The following VPS54 variants were observed in gnomAD, a reference collection of about 807,000 sequenced individuals.
VPS54 encodes the protein vacuolar protein sorting-associated protein 54.
Under a neutral mutation model 121.5 loss-of-function variants are expected in VPS54, and 45 were observed. The observed-to-expected ratio is 0.37, with a 90% CI of 0.29 to 0.47. The LOEUF (loss-of-function observed/expected upper bound fraction) is 0.47. Among genes scored for constraint, VPS54 ranks in the 20% least tolerant of loss-of-function variants. VPS54 has a pLI of 0.99. For missense variants in VPS54, 1,090 were observed against 1,131.4 expected, an observed-to-expected ratio of 0.96 and a Z score of 0.52; for synonymous variants, 371 against 385.8, an observed-to-expected ratio of 0.96 and a Z score of 0.45.
chr2:63,944,760 A>G lies in VPS54; in HGVS notation c.1246-105T>C, dbSNP rs1674900449. 4.4e-6 allele frequency: 4 copies of G among 900,476 alleles called. No homozygotes were observed. The East Asian group carries it at 1.1e-4, about 24-fold the overall frequency. The allele number at this position is 900,476 out of a possible 1,614,324, so 55.8% of individuals were successfully genotyped here. A position where few individuals can be genotyped will look rare whatever the true frequency, so the allele number is the denominator to read the frequency against. On this transcript the variant is annotated intron_variant, in intron 9 of 22. Transcript: ENST00000272322. ...TTAAAAAGGCCCTTACTATATGAAC[A>G]GACACTTTTCAAAAAAGGACATACA...
At chr2:63,967,733 A>AAAAAAAAAAAAAAAAAAAC (rs1676072648) in intron 5 of VPS54, among the ~76,000 whole-genome samples, 1 of 150,048 alleles carries the variant, frequency 6.7e-6, no homozygotes, top group Non-Finnish European at 1.5e-5. Flanking sequence ...AAAAAAAAAA[A>AAAAAAAAAAAAAAAAAAAC]AATCTTATAA....
In VPS54 at chr2:63,909,068, C is replaced by T. The variant is rs577141756; in HGVS notation, c.2625+3277G>A. Among the ~76,000 whole-genome samples the T allele has an allele frequency of 5.3e-5, 8 of 152,286 alleles. No homozygotes were observed. In the South Asian group the frequency reaches 1.7e-3, roughly 32 times the overall value. On this transcript the variant is annotated intron_variant, in intron 20 of 22. Transcript: ENST00000272322. The stretch of plus-strand genomic sequence containing the variant: ...GCAAAATTTACATGCATGCCTCATT[C>T]ATAAAACTTTCCCAGATCTCCTTCA...
intron 2 of VPS54, among the ~76,000 whole-genome samples, chr2:63,982,277 G>T (rs1181802793): frequency 6.6e-6 from 1 of 151,426 alleles, no homozygotes; most frequent in African/African-American, 2.4e-5. Context: ...TTAGAGGTAG[G>T]CCTCTTTTCT....
At chr2:63,913,071 A>G (rs1352911635) in intron 18 of VPS54, 152 bp downstream of exon 18, 2 of 599,470 alleles carry the variant, frequency 3.3e-6, no homozygotes, top group Non-Finnish European at 5.5e-6. Flanking sequence ...TTTTTCAGTG[A>G]TGAGTATACA....
At chr2:63,903,508 T>C (rs1363606608) in intron 20 of VPS54, among the ~76,000 whole-genome samples, 2 of 152,152 alleles carry the variant, frequency 1.3e-5, no homozygotes, top group Non-Finnish European at 2.9e-5. Context: ...ATAAAAGGCA[T>C]TGTTTTCCTC....
chr2:63,944,372 C>G (rs1674879784), intron 10 of VPS54, among the ~76,000 whole-genome samples: 1 of 152,156 alleles, frequency 6.6e-6, no homozygotes, highest in African/African-American at 2.4e-5. Context: ...AGGGTTGCCT[C>G]AGGGTGACTG....
At chr2:63,973,223 T>C (rs1259317389) in intron 3 of VPS54, among the ~76,000 whole-genome samples, 1 of 152,232 alleles carries the variant, frequency 6.6e-6, no homozygotes, top group Non-Finnish European at 1.5e-5. Context: ...TTTTTGCTAT[T>C]CTAATAGATA....
intron 12 of VPS54, among the ~76,000 whole-genome samples, chr2:63,927,300 C>T (rs1673954020): frequency 6.6e-6 from 1 of 152,124 alleles, no homozygotes; most frequent in Non-Finnish European, 1.5e-5. Context: ...CTCTGTGAAG[C>T]TTGCAAGGGA....
At chr2:63,947,156 A>G (rs1675016912) in intron 9 of VPS54, among the ~76,000 whole-genome samples, 1 of 152,084 alleles carries the variant, frequency 6.6e-6, no homozygotes, top group Non-Finnish European at 1.5e-5. Flanking sequence ...AAAATCATAT[A>G]CACATAATGA....
At chr2:63,898,905 C>T (rs1310489249) in intron 21 of VPS54, among the ~76,000 whole-genome samples, 1 of 152,008 alleles carries the variant, frequency 6.6e-6, no homozygotes, top group Non-Finnish European at 1.5e-5. Context: ...TGTGATAATA[C>T]TTTTGTAAGG....
chr2:63,902,727 G>C (rs976310748), intron 20 of VPS54, among the ~76,000 whole-genome samples: 1 of 152,190 alleles, frequency 6.6e-6, no homozygotes, highest in South Asian at 2.1e-4. Context: ...CCACCACTTT[G>C]GGAGGCTGAG....
At chr2:63,987,407 CTA>C (rs1677102088) in intron 1 of VPS54, among the ~76,000 whole-genome samples, 1 of 152,096 alleles carries the variant, frequency 6.6e-6, no homozygotes, top group Non-Finnish European at 1.5e-5. Flanking sequence ...TTCCACTGTT[CTA>C]TGTGTCTGGT....
intron 3 of VPS54, among the ~76,000 whole-genome samples, chr2:63,976,759 T>C (rs1676549796): frequency 6.6e-6 from 1 of 152,040 alleles, no homozygotes; most frequent in Non-Finnish European, 1.5e-5. Context: ...ATTATCCTTT[T>C]AATGTCTGCA....
intron 5 of VPS54, among the ~76,000 whole-genome samples, chr2:63,966,426 A>G (rs1479515280): frequency 6.6e-6 from 1 of 152,210 alleles, no homozygotes; most frequent in Non-Finnish European, 1.5e-5. Flanking sequence ...AAACCAAAAC[A>G]AATTCAATTT....
At chr2:63,916,657 T>G (rs1450681894) in intron 16 of VPS54, among the ~76,000 whole-genome samples, 1 of 152,110 alleles carries the variant, frequency 6.6e-6, no homozygotes, top group Non-Finnish European at 1.5e-5. Flanking sequence ...TCTTGTTATA[T>G]GAGAAAAATC....
At chr2:63,923,452 G>A (rs879630212) in intron 12 of VPS54, among the ~76,000 whole-genome samples, 4 of 152,054 alleles carry the variant, frequency 2.6e-5, no homozygotes, top group Non-Finnish European at 5.9e-5. Context: ...AAGATCTCTA[G>A]GATTTATATG....
At chr2:63,974,542 C>T (rs1189660961) in intron 3 of VPS54, among the ~76,000 whole-genome samples, 1 of 152,140 alleles carries the variant, frequency 6.6e-6, no homozygotes. Flanking sequence ...AAAGAGACAC[C>T]TTGACAATAT....
Position 63,962,359 on chromosome 2 carries a change from A to G in VPS54, c.709T>C (p.Ser237Pro). 1 of 1,614,028 alleles carries G rather than the reference A, an allele frequency of 6.2e-7. No individual in the cohort carries two copies. Among genetic ancestry groups the G allele is most frequent in the Non-Finnish European group, 8.5e-7 (1 of 1,179,896 alleles). ...RSEAFFHAMT[S>P]QHELQDYLRK... ...AGGTAGTCCTGCAACTCGTGTTGAG[A>G]GGTCATTGCATGAAAAAATGCTTCT... The change falls in exon 7 of 23, where the codon TCT (serine) becomes CCT (proline). Residue 237 changes from serine to proline, a missense_variant. This residue lies in a region of VPS54 where 801 missense variants were observed against 757.0 expected (regional missense o/e 1.06). Coordinates refer to ENST00000272322, the MANE Select transcript of VPS54 (RefSeq NM_016516.3).
chr2:63,914,822 A>C (rs1318765481), intron 16 of VPS54, among the ~76,000 whole-genome samples: 1 of 152,032 alleles, frequency 6.6e-6, no homozygotes, highest in African/African-American at 2.4e-5. Flanking sequence ...TCTCCTAAGA[A>C]TTTTATTGGT....
Sources: allele counts gnomAD v4.1 joint callset (sites outside exome capture counted in the v4.1 genomes callset), GRCh38; gene constraint gnomAD v4.1.1; regional missense constraint gnomAD v4.1.1; transcripts MANE v1.5; gene names NCBI Gene and HGNC (gene_info 2026-07-23, HGNC 2026-07-21).